The following L2HGDH variants were observed in gnomAD, a reference collection of about 807,000 sequenced individuals.
L2HGDH encodes L-2-hydroxyglutarate dehydrogenase, mitochondrial.
L2HGDH carries 34 observed loss-of-function variants against 51.5 expected under a neutral mutation model. That is an observed-to-expected ratio of 0.66 (90% CI 0.50 to 0.88). The LOEUF is 0.88. Ranked by LOEUF, L2HGDH falls within the 40% of genes least tolerant of loss-of-function variation. The pLI, the probability that L2HGDH is intolerant of heterozygous loss-of-function variation, is 0.00. For missense variants in L2HGDH, 558 were observed against 571.9 expected (o/e 0.98, Z 0.25); for synonymous variants, 198 against 197.9 (o/e 1.00, Z -0.01).
intron 3 of L2HGDH, among the ~76,000 whole-genome samples, chr14:50,297,355 G>A (rs2030118433): frequency 1.4e-5 from 2 of 145,140 alleles, no homozygotes; most frequent in Non-Finnish European, 3.0e-5. Flanking sequence ...ATATAGTAAA[G>A]CCTAAGGAAT....
chr14:50,311,598 C>T (rs185162984), intron 1 of L2HGDH, among the ~76,000 whole-genome samples: 1 of 152,306 alleles, frequency 6.6e-6, no homozygotes, highest in East Asian at 1.9e-4. Flanking sequence ...TCAGATCTTC[C>T]AAGCAACGCC....
chr14:50,306,010 G>A (rs910802363), intron 1 of L2HGDH, among the ~76,000 whole-genome samples: 1 of 150,426 alleles, frequency 6.6e-6, no homozygotes, highest in Non-Finnish European at 1.5e-5. Context: ...ATCTGCAGAT[G>A]CAGAACCCAC....
chr14:50,296,109 T>A (rs143981176), intron 3 of L2HGDH, among the ~76,000 whole-genome samples: 301 of 152,136 alleles, frequency 2.0e-3, no homozygotes, highest in African/African-American at 7.0e-3. Context: ...CGGTGGCTCA[T>A]GCCTGTAATC....
At position 50,294,928 on chromosome 14, in the gene L2HGDH, T is replaced by C. The variant is rs879786139; in HGVS notation, c.409-682A>G. Among the ~76,000 whole-genome samples the C allele has an allele frequency of 2.0e-5, 3 of 152,182 alleles. No homozygotes were observed. The East Asian group carries it at 5.8e-4, about 29-fold the overall frequency. ...TTAGAATTCACAAGTCATTATTTCA[T>C]ACCAAAGAGGCAACAGAATTTCATG... On this transcript the variant is annotated intron_variant, in intron 3 of 9. Transcript: ENST00000267436.
intron 9 of L2HGDH, among the ~76,000 whole-genome samples, chr14:50,264,321 C>T (rs1329725129): frequency 6.6e-6 from 1 of 151,920 alleles, no homozygotes; most frequent in Admixed American, 6.6e-5. Context: ...GAGGTTGCAG[C>T]GAGCTGAGAT....
At chr14:50,287,278 T>C in intron 4 of L2HGDH, 1 of 984,044 alleles carries the variant, frequency 1.0e-6, no homozygotes, top group Non-Finnish European at 1.2e-6. Flanking sequence ...CAGTAATGCA[T>C]AATATAAAAA....
In L2HGDH at chr14:50,312,209, C is replaced by T. The variant is rs1025209067; in HGVS notation, c.-59G>A. The T allele has an allele frequency of 1.3e-6, 2 of 1,591,148 alleles. No homozygotes were observed. Among genetic ancestry groups the T allele is most frequent in the Middle Eastern group, 1.7e-4 (1 of 6,042 alleles). On this transcript the variant is annotated 5_prime_UTR_variant, in exon 1 of 10. Transcript: ENST00000267436. ...AAGAAGCCACTTGACCCTCCACGGC[C>T]GAGGACCCGCGCTCTTTAGCCCCGC...
chr14:50,254,296 T>G (rs561318607), intron 9 of L2HGDH, among the ~76,000 whole-genome samples: 2 of 152,004 alleles, frequency 1.3e-5, no homozygotes, highest in African/African-American at 4.8e-5. Context: ...AAATATCTTA[T>G]GTACCCCAAA....
In L2HGDH at chr14:50,312,229, C is replaced by T. The variant is rs2031280733; in HGVS notation, c.-79G>A. The T allele has an allele frequency of 7.0e-6, 11 of 1,565,340 alleles. No individual in the cohort carries two copies. Among genetic ancestry groups the T allele is most frequent in the South Asian group, 1.2e-5 (1 of 86,874 alleles). On this transcript the variant is annotated 5_prime_UTR_variant, in exon 1 of 10. Coordinates refer to ENST00000267436, the MANE Select transcript of L2HGDH (RefSeq NM_024884.3). ...ACGGCCGAGGACCCGCGCTCTTTAG[C>T]CCCGCCCCTCACGCGGGGGCCAATG...
Position 50,245,996 on chromosome 14 carries a change from G to A in L2HGDH, c.*1062C>T, listed in dbSNP as rs536361142. ...AAATTAGCCAGGCATGGTGGTGGGC[G>A]CCTGTAATCCCAGCTACTCAGGAGG... On this transcript the variant is annotated 3_prime_UTR_variant, in exon 10 of 10. Coordinates refer to ENST00000267436, the MANE Select transcript of L2HGDH (RefSeq NM_024884.3). 4.7e-5 allele frequency: 8 copies of A among 170,096 alleles called. No individual in the cohort carries two copies. Among genetic ancestry groups the A allele is most frequent in the South Asian group, 3.8e-4 (2 of 5,200 alleles). The allele number at this position is 170,096 out of a possible 1,614,324, so 10.5% of individuals were successfully genotyped here.
chr14:50,245,331 C>G lies in L2HGDH; in HGVS notation c.*1727G>C, dbSNP rs1285260491. ...TCAGTGTCAGGATTCTAAAACTGCT[C>G]TCATAAAAATCTGTCTCTTCTAAGT... is the stretch of plus-strand genomic sequence containing the variant. On this transcript the variant is annotated 3_prime_UTR_variant, in exon 10 of 10. Transcript: ENST00000267436. The G allele has an allele frequency of 1.1e-5, 11 of 985,192 alleles. No homozygotes were observed. The Admixed American group carries it at 4.3e-4, about 39-fold the overall frequency. 61.0% of individuals were successfully genotyped at this position (985,192 alleles called of 1,614,324 possible). A position where few individuals can be genotyped will look rare whatever the true frequency, so the allele number is the denominator to read the frequency against.
chr14:50,284,988 C>T (rs1444789261), intron 4 of L2HGDH, among the ~76,000 whole-genome samples: 1 of 152,248 alleles, frequency 6.6e-6, no homozygotes, highest in Non-Finnish European at 1.5e-5. Flanking sequence ...TGGCTCACGC[C>T]TATAATCCCA....
chr14:50,267,823 C>A lies in L2HGDH; in HGVS notation c.994G>T (p.Ala332Ser). 6.2e-7 allele frequency: 1 copy of A among 1,613,902 alleles called. No homozygotes were observed. The highest frequency in any genetic ancestry group is 1.1e-5 in the South Asian group (1 of 91,080). Residue 332 changes from alanine (A) to serine (S), a missense_variant, in exon 8 of 10, where the codon GCC (alanine) becomes TCC (serine). Ala to Ser is a moderately conservative substitution (Grantham distance 99, BLOSUM62 1). Transcript: ENST00000267436. Reference sequence around the variant, plus strand: ...GGTCTGTAACCCTCTCGTTTAAAGGCAAGAACTGCATTAGGCCCTAGCCAA... The same window carrying A: ...GGTCTGTAACCCTCTCGTTTAAAGGAAAGAACTGCATTAGGCCCTAGCCAA... ...SIWLGPNAVL[A>S]FKREGYRPFD...
intron 6 of L2HGDH, 58 bp from the exon 7 acceptor site, chr14:50,269,388 G>T: frequency 6.7e-7 from 1 of 1,488,052 alleles, no homozygotes; most frequent in African/African-American, 1.4e-5. Flanking sequence ...AGGTCAAGAG[G>T]GGAAAAACAG....
chr14:50,261,100 C>G (rs1888993726), intron 9 of L2HGDH, among the ~76,000 whole-genome samples: 1 of 151,558 alleles, frequency 6.6e-6, no homozygotes, highest in African/African-American at 2.4e-5. Flanking sequence ...CCAGGTAACA[C>G]TGTGAGACTC....
chr14:50,287,145 C>T lies in L2HGDH; in HGVS notation c.541-3112G>A, dbSNP rs529736023. 4 of 970,228 alleles carry T rather than the reference C, an allele frequency of 4.1e-6. No individual in the cohort carries two copies. In the South Asian group the frequency reaches 1.4e-4, roughly 35 times the overall value. 60.1% of individuals were successfully genotyped at this position (970,228 alleles called of 1,614,324 possible). ...ATGTGTAATACATATAATTTCATTACCTATGCACACATATCTCACTGACCT... is the reference window on the plus strand; with the variant it reads ...ATGTGTAATACATATAATTTCATTATCTATGCACACATATCTCACTGACCT... On this transcript the variant is annotated intron_variant, in intron 4 of 9. Transcript: ENST00000267436.
At chr14:50,303,338 C>G (rs1430450272) in intron 1 of L2HGDH, among the ~76,000 whole-genome samples, 2 of 151,960 alleles carry the variant, frequency 1.3e-5, no homozygotes, top group African/African-American at 4.8e-5. Context: ...AGAAGAATCA[C>G]TTGAACCTGG....
At chr14:50,251,510 T>C (rs1190924077) in intron 9 of L2HGDH, among the ~76,000 whole-genome samples, 1 of 152,024 alleles carries the variant, frequency 6.6e-6, no homozygotes, top group African/African-American at 2.4e-5. Context: ...TATCAACATT[T>C]GAGTACAAGA....
intron 6 of L2HGDH, among the ~76,000 whole-genome samples, chr14:50,273,098 G>A (rs2139992980): frequency 6.6e-6 from 1 of 152,316 alleles, no homozygotes. Context: ...ACTGTTTCAT[G>A]TGCAACAACT....
Sources: gnomAD v4.1 joint callset for allele counts (sites outside exome capture counted in the v4.1 genomes callset) on GRCh38, gnomAD v4.1.1 for gene constraint, MANE v1.5 for transcripts, NCBI Gene and HGNC (gene_info 2026-07-23, HGNC 2026-07-21) for gene names.